The following IQCH variants were observed in gnomAD, a reference collection of about 807,000 sequenced individuals.
The protein encoded by IQCH is IQ motif containing H.
A neutral mutation model predicts 117.0 loss-of-function variants in IQCH; 98 were observed. The ratio of observed to expected loss-of-function variants is 0.84; its 90% CI spans 0.71 to 0.99. The LOEUF is 0.99. Among genes scored for constraint, IQCH ranks in the 50% least tolerant of loss-of-function variants. The pLI, the probability that IQCH is intolerant of heterozygous loss-of-function variation, is 0.00. For synonymous variants in IQCH, 412 were observed against 448.2 expected (o/e 0.92, Z 1.02); for missense variants, 1,102 against 1,243.8 (o/e 0.89, Z 1.72).
intron 8 of IQCH, among the ~76,000 whole-genome samples, chr15:67,368,353 A>G (rs909828145): frequency 6.6e-6 from 1 of 152,182 alleles, no homozygotes; most frequent in Non-Finnish European, 1.5e-5. Flanking sequence ...CTTTTGAACA[A>G]TTCTAGCCAG....
intron 6 of IQCH, among the ~76,000 whole-genome samples, chr15:67,355,945 A>G (rs1032857462): frequency 6.6e-6 from 1 of 152,220 alleles, no homozygotes; most frequent in Non-Finnish European, 1.5e-5. Flanking sequence ...CAATTTTACT[A>G]AAATCCTTTA....
chr15:67,357,520 C>T, intron 7 of IQCH, 99 bp downstream of exon 7: 3 of 800,812 alleles, frequency 3.7e-6, no homozygotes, highest in Non-Finnish European at 6.5e-6. Flanking sequence ...GTACCTTCAA[C>T]ATAGAAATAA....
intron 16 of IQCH, among the ~76,000 whole-genome samples, chr15:67,438,670 A>C (rs561534064): frequency 6.6e-6 from 1 of 152,352 alleles, no homozygotes; most frequent in East Asian, 1.9e-4. Flanking sequence ...CAGGAGACTC[A>C]TCTAACACAT....
rs771525547 is a variant in IQCH, at chr15:67,393,625, A to G, written c.1633-1666A>G. Among the ~76,000 whole-genome samples, 1 of 151,938 alleles carries G rather than the reference A, an allele frequency of 6.6e-6. No individual in the cohort carries two copies. Among genetic ancestry groups the G allele is most frequent in the African/African-American group, 2.4e-5 (1 of 41,354 alleles). On this transcript the variant is annotated intron_variant, in intron 12 of 20. Coordinates refer to ENST00000335894, the MANE Select transcript of IQCH (RefSeq NM_001031715.3). The surrounding 1 kb of genome is among the most constrained non-coding windows in gnomAD (Gnocchi z 5.5). The stretch of plus-strand genomic sequence containing the variant: ...AGCCTTGACCTCCCTGGCTCAAGCA[A>G]TTCTCCTGCCTCAGGCTTTTAGTAG...
In IQCH at chr15:67,401,900, T is replaced by C. The variant is rs1971676192; in HGVS notation, c.2097+1595T>C. Among the ~76,000 whole-genome samples the C allele has an allele frequency of 6.6e-6, 1 of 152,178 alleles. No homozygotes were observed. On this transcript the variant is annotated intron_variant, in intron 14 of 20. Coordinates refer to ENST00000335894, the MANE Select transcript of IQCH (RefSeq NM_001031715.3). This position sits in a 1 kb window ranked among gnomAD's most constrained non-coding sequence, Gnocchi z 4.7. ...GTATAGATTTTTTTTAAAGCAACACTGTTAAGATTAAACCATAAAAATATG... is the reference window on the plus strand; with the variant it reads ...GTATAGATTTTTTTTAAAGCAACACCGTTAAGATTAAACCATAAAAATATG...
chr15:67,255,829 G>A (rs977709297), intron 1 of IQCH, among the ~76,000 whole-genome samples: 3 of 152,064 alleles, frequency 2.0e-5, no homozygotes, highest in Non-Finnish European at 4.4e-5. Context: ...CCAAATACAA[G>A]CCCCTGAACT....
chr15:67,404,614 A>G lies in IQCH; in HGVS notation c.2097+4309A>G, dbSNP rs1403906778. 6.6e-6 allele frequency: 1 copy of G among 152,240 alleles called. No individual in the cohort carries two copies. Among genetic ancestry groups the G allele is most frequent in the Non-Finnish European group, 1.5e-5 (1 of 68,054 alleles). The allele number at this position is 152,240 out of a possible 1,614,324, so 9.4% of individuals were successfully genotyped here. ...TCTAAATATGCAGTATTTCTTTCTC[A>G]TAGCTACAATAATAGTGTATATGCT... On this transcript the variant is annotated intron_variant, in intron 14 of 20. Transcript: ENST00000335894. The surrounding 1 kb of genome is among the most constrained non-coding windows in gnomAD (Gnocchi z 4.6).
At chr15:67,322,841 A>G (rs1430788183) in intron 4 of IQCH, among the ~76,000 whole-genome samples, 2 of 152,098 alleles carry the variant, frequency 1.3e-5, no homozygotes, top group Non-Finnish European at 2.9e-5. Context: ...TGCTGGGTCT[A>G]GGGCTTTTTA....
intron 3 of IQCH, among the ~76,000 whole-genome samples, chr15:67,266,529 C>T (rs866268617): frequency 2.6e-5 from 4 of 152,162 alleles, no homozygotes; most frequent in South Asian, 2.1e-4. Context: ...TGGTGGCAGG[C>T]GCCTGTAGTC....
intron 16 of IQCH, among the ~76,000 whole-genome samples, chr15:67,421,940 A>G (rs1226246483): frequency 6.6e-6 from 1 of 152,164 alleles, no homozygotes; most frequent in Non-Finnish European, 1.5e-5. Context: ...CTCTACTAAA[A>G]ATACAAAAAT....
intron 4 of IQCH, among the ~76,000 whole-genome samples, chr15:67,322,209 CTCTT>C (rs923900163): frequency 2.6e-5 from 4 of 152,146 alleles, no homozygotes; most frequent in African/African-American, 9.7e-5. Context: ...CTGTTTAAGA[CTCTT>C]TCATCAGTTT....
At chr15:67,351,902 T>A (rs773880336) in intron 6 of IQCH, among the ~76,000 whole-genome samples, 14 of 151,546 alleles carry the variant, frequency 9.2e-5, no homozygotes, top group South Asian at 2.1e-4. Context: ...TAGCTGAATT[T>A]AAAAAAAAAT....
chr15:67,347,035 A>G (rs929937878), intron 6 of IQCH, among the ~76,000 whole-genome samples: 1 of 152,100 alleles, frequency 6.6e-6, no homozygotes, highest in African/African-American at 2.4e-5. Context: ...GTAGTGCTTA[A>G]GAAAAATTTT....
intron 4 of IQCH, among the ~76,000 whole-genome samples, chr15:67,314,041 A>G (rs1041542177): frequency 1.3e-5 from 2 of 152,080 alleles, no homozygotes; most frequent in African/African-American, 4.8e-5. Flanking sequence ...ATAAATGGCC[A>G]CTCAGAACTG....
intron 4 of IQCH, among the ~76,000 whole-genome samples, chr15:67,294,681 A>G (rs1029713244): frequency 1.3e-5 from 2 of 152,254 alleles, no homozygotes; most frequent in Non-Finnish European, 1.5e-5. Flanking sequence ...TAGAGCAGAA[A>G]GAGAGAAAGG....
chr15:67,380,347 T>A (rs1003677890), intron 10 of IQCH, among the ~76,000 whole-genome samples: 3 of 152,232 alleles, frequency 2.0e-5, no homozygotes, highest in Non-Finnish European at 4.4e-5. Flanking sequence ...TACATCTTTA[T>A]ACCAAAATTC....
intron 8 of IQCH, among the ~76,000 whole-genome samples, chr15:67,368,941 A>C (rs1372256156): frequency 1.3e-5 from 2 of 152,152 alleles, no homozygotes; most frequent in East Asian, 1.9e-4. Flanking sequence ...GCTGGAGTGC[A>C]GTGGTGTGAT....
rs554346294 is a variant in IQCH, at chr15:67,496,891, G to A, written c.2970+2525G>A. On this transcript the variant is annotated intron_variant, in intron 20 of 20. Coordinates refer to ENST00000335894, the MANE Select transcript of IQCH (RefSeq NM_001031715.3). This position sits in a 1 kb window ranked among gnomAD's most constrained non-coding sequence, Gnocchi z 4.4. ...AAATTAGCCGGGCACGGTGGCGGGC[G>A]CCTGTAGTCCCAGCTACTCGGGAGG... Among the ~76,000 whole-genome samples the A allele has an allele frequency of 1.7e-4, 25 of 150,970 alleles. No individual in the cohort carries two copies. The highest frequency in any genetic ancestry group is 5.1e-4 in the African/African-American group (21 of 41,198).
intron 16 of IQCH, among the ~76,000 whole-genome samples, chr15:67,455,542 G>T (rs2082639308): frequency 6.6e-6 from 1 of 152,138 alleles, no homozygotes; most frequent in South Asian, 2.1e-4. Context: ...AAGGAAAGGG[G>T]AACTCTGCAG....
Sources: allele counts gnomAD v4.1 joint callset (sites outside exome capture counted in the v4.1 genomes callset), GRCh38; gene constraint gnomAD v4.1.1; non-coding constraint Gnocchi (gnomAD v3.1); transcripts MANE v1.5; gene names NCBI Gene and HGNC (gene_info 2026-07-23, HGNC 2026-07-21).